DSCAM: variants seen among roughly 807,000 people sequenced by gnomAD.
DSCAM encodes the protein cell adhesion molecule DSCAM.
In DSCAM, 47 loss-of-function variants were observed where a neutral mutation model predicts 217.7. The observed-to-expected ratio is 0.22, with a 90% CI of 0.17 to 0.28. DSCAM has a LOEUF of 0.28. Among genes scored for constraint, DSCAM ranks in the 10% least tolerant of loss-of-function variants. DSCAM has a pLI of 1.00. For missense variants in DSCAM, 2,080 were observed against 2,618.3 expected (o/e 0.79, Z 4.49); for synonymous variants, 1,056 against 1,015.3 (o/e 1.04, Z -0.76).
At chr21:40,800,714 TC>T (rs756352984) in intron 1 of DSCAM, among the ~76,000 whole-genome samples, 1 of 137,284 alleles carries the variant, frequency 7.3e-6, no homozygotes, top group South Asian at 2.2e-4. Context: ...TTTCTTACTT[TC>T]TTTTTTTTTT....
At chr21:40,719,388 A>G (rs1434036384) in intron 1 of DSCAM, among the ~76,000 whole-genome samples, 1 of 152,198 alleles carries the variant, frequency 6.6e-6, no homozygotes, top group Non-Finnish European at 1.5e-5. Context: ...ATTGTGGAAA[A>G]TTATTAGCCT....
rs73902607 is a variant in DSCAM, at chr21:40,416,273, G to A, written c.509-47028C>T. Among the ~76,000 whole-genome samples, 970 of 152,056 alleles carry A rather than the reference G, an allele frequency of 6.4e-3. 9 individuals are homozygous for A. Among genetic ancestry groups the A allele is most frequent in the African/African-American group, 0.022 (900 of 41,498 alleles). On this transcript the variant is annotated intron_variant, in intron 3 of 32. Transcript: ENST00000400454. ...TTGGTTTCTCCCCTTTCTGAACTCC[G>A]TTACCCTTATTTGTACTGATCGCTT...
intron 3 of DSCAM, among the ~76,000 whole-genome samples, chr21:40,601,735 A>C (rs192481158): frequency 1.3e-3 from 193 of 152,278 alleles, no homozygotes; most frequent in Non-Finnish European, 2.2e-3. Flanking sequence ...TGCCGGTTTT[A>C]CCAAATTCTT....
intron 8 of DSCAM, among the ~76,000 whole-genome samples, chr21:40,325,395 T>G (rs1253256515): frequency 1.3e-5 from 2 of 151,968 alleles, no homozygotes; most frequent in Admixed American, 1.3e-4. Context: ...AAGGCCTAAA[T>G]GCAAACAGCA....
chr21:40,419,391 A>G (rs2075402157), intron 3 of DSCAM, among the ~76,000 whole-genome samples: 1 of 152,228 alleles, frequency 6.6e-6, no homozygotes, highest in African/African-American at 2.4e-5. Context: ...ATTCTGAAAC[A>G]TATATCAAAG....
At chr21:40,531,936 G>A (rs2076450261) in intron 3 of DSCAM, among the ~76,000 whole-genome samples, 1 of 152,298 alleles carries the variant, frequency 6.6e-6, no homozygotes, top group South Asian at 2.1e-4. Flanking sequence ...CACACAGTGG[G>A]TCCAGCGACA....
chr21:40,614,792 G>A (rs891194175), intron 3 of DSCAM, among the ~76,000 whole-genome samples: 3 of 152,206 alleles, frequency 2.0e-5, no homozygotes, highest in African/African-American at 7.2e-5. Context: ...GCAGGTCGAT[G>A]TGGTATCAAT....
At chr21:40,179,773 G>A (rs757412505) in intron 14 of DSCAM, among the ~76,000 whole-genome samples, 95 of 152,222 alleles carry the variant, frequency 6.2e-4, no homozygotes, top group Non-Finnish European at 1.2e-3. Flanking sequence ...TGTGTGAAAT[G>A]TTATCACTGA....
intron 3 of DSCAM, among the ~76,000 whole-genome samples, chr21:40,423,688 G>T (rs1255899754): frequency 1.3e-5 from 2 of 152,122 alleles, no homozygotes; most frequent in African/African-American, 4.8e-5. Flanking sequence ...CCCCTTGGTC[G>T]AATTCTTTCC....
intron 3 of DSCAM, among the ~76,000 whole-genome samples, chr21:40,659,000 A>G (rs1340709073): frequency 2.0e-5 from 3 of 152,134 alleles, no homozygotes; most frequent in Non-Finnish European, 2.9e-5. Flanking sequence ...CCCCTGCGGT[A>G]ATCAACTTGA....
intron 3 of DSCAM, among the ~76,000 whole-genome samples, chr21:40,657,010 A>C (rs2090084022): frequency 6.6e-6 from 1 of 152,250 alleles, no homozygotes; most frequent in Admixed American, 6.5e-5. Context: ...TATCAAAAAT[A>C]TTTTTTAAAA....
intron 3 of DSCAM, among the ~76,000 whole-genome samples, chr21:40,670,225 C>T (rs1053613844): frequency 2.0e-5 from 3 of 152,120 alleles, no homozygotes; most frequent in Non-Finnish European, 2.9e-5. Context: ...GAGGACAGTT[C>T]AGTATTGTTA....
intron 11 of DSCAM, among the ~76,000 whole-genome samples, chr21:40,272,166 C>A (rs1203485567): frequency 6.6e-6 from 1 of 152,012 alleles, no homozygotes; most frequent in African/African-American, 2.4e-5. Context: ...GCTTCTGTAG[C>A]CCCCGATCGG....
At chr21:40,475,673 A>T (rs2075928021) in intron 3 of DSCAM, among the ~76,000 whole-genome samples, 1 of 152,126 alleles carries the variant, frequency 6.6e-6, no homozygotes, top group African/African-American at 2.4e-5. Flanking sequence ...TCTACTAAAA[A>T]TATAAAAATT....
At chr21:40,169,209 T>G (rs1193753782) in intron 15 of DSCAM, among the ~76,000 whole-genome samples, 1 of 151,930 alleles carries the variant, frequency 6.6e-6, no homozygotes, top group Non-Finnish European at 1.5e-5. Context: ...GGCTTACTGG[T>G]TGAGGGAAGC....
intron 3 of DSCAM, among the ~76,000 whole-genome samples, chr21:40,372,085 C>A (rs1292101801): frequency 1.3e-5 from 2 of 152,148 alleles, no homozygotes. Flanking sequence ...ACTCAGGAGT[C>A]CTGTGGAACT....
At chr21:40,709,852 C>T (rs1378535471) in intron 1 of DSCAM, among the ~76,000 whole-genome samples, 1 of 152,166 alleles carries the variant, frequency 6.6e-6, no homozygotes, top group Non-Finnish European at 1.5e-5. Context: ...TGGGTGTATA[C>T]CCAGTAATGG....
At chr21:40,550,896 A>G (rs548794397) in intron 3 of DSCAM, among the ~76,000 whole-genome samples, 2 of 152,304 alleles carry the variant, frequency 1.3e-5, no homozygotes, top group Admixed American at 1.3e-4. Context: ...GCTCAGTTTG[A>G]ATAGTTGGAT....
intron 3 of DSCAM, among the ~76,000 whole-genome samples, chr21:40,609,740 G>A (rs1303197263): frequency 2.6e-5 from 4 of 152,176 alleles, no homozygotes; most frequent in Admixed American, 1.3e-4. Context: ...CTGGAGGAGA[G>A]GTAAGTGGAT....
Sources: gnomAD v4.1 joint callset for allele counts (sites outside exome capture counted in the v4.1 genomes callset) on GRCh38, gnomAD v4.1.1 for gene constraint, MANE v1.5 for transcripts, NCBI Gene and HGNC (gene_info 2026-07-23, HGNC 2026-07-21) for gene names.